The following ANO2 variants were observed in gnomAD, a reference collection of about 807,000 sequenced individuals.
ANO2 encodes the protein anoctamin 2, also known as anoctamin-2.
In ANO2, 101 loss-of-function variants were observed where a neutral mutation model predicts 124.2. The ratio of observed to expected loss-of-function variants is 0.81; its 90% CI spans 0.69 to 0.96. The LOEUF (loss-of-function observed/expected upper bound fraction) is 0.96. Ranked by LOEUF, ANO2 falls within the 40% of genes least tolerant of loss-of-function variation. The pLI, the probability that ANO2 is intolerant of heterozygous loss-of-function variation, is 0.00. For missense variants in ANO2, 1,293 were observed against 1,274.5 expected (o/e 1.01, Z -0.22); for synonymous variants, 486 against 482.5 (o/e 1.01, Z -0.09).
chr12:5,601,046 A>G (rs1406765920), intron 19 of ANO2, among the ~76,000 whole-genome samples: 1 of 152,226 alleles, frequency 6.6e-6, no homozygotes, highest in Non-Finnish European at 1.5e-5. Flanking sequence ...TAAAAGTCTC[A>G]TCTTTGGTGC....
intron 14 of ANO2, among the ~76,000 whole-genome samples, chr12:5,730,465 G>A (rs1185573712): frequency 6.6e-6 from 1 of 152,158 alleles, no homozygotes; most frequent in Non-Finnish European, 1.5e-5. Context: ...AAGGAGAGGT[G>A]AGGATATGCA....
At chr12:5,647,253 G>A (rs1330228530) in intron 15 of ANO2, among the ~76,000 whole-genome samples, 3 of 152,278 alleles carry the variant, frequency 2.0e-5, no homozygotes, top group Middle Eastern at 3.4e-3. Context: ...TTTCCCTGAC[G>A]CAGCTGAGAC....
Position 5,562,748 on chromosome 12 carries a change from C to T in ANO2, c.*551G>A, listed in dbSNP as rs76684608. The T allele has an allele frequency of 4.8e-3, 735 of 152,720 alleles. 3 individuals are homozygous for T. Among genetic ancestry groups the T allele is most frequent in the South Asian group, 0.014 (68 of 4,824 alleles). The allele number at this position is 152,720 out of a possible 1,614,324, so 9.5% of individuals were successfully genotyped here. On this transcript the variant is annotated 3_prime_UTR_variant, in exon 25 of 25. Coordinates refer to ENST00000682330, the MANE Select transcript of ANO2 (RefSeq NM_001364791.2). Reference sequence around the variant, plus strand: ...CATTTAGCTCCAAACGTTTTTGTGACGTGAAGTGGAGACAAGCCCAGGTTT... The same window carrying T: ...CATTTAGCTCCAAACGTTTTTGTGATGTGAAGTGGAGACAAGCCCAGGTTT...
At chr12:5,691,336 AAAAAAAAAAAAG>A (rs1948932050) in intron 14 of ANO2, among the ~76,000 whole-genome samples, 1 of 146,594 alleles carries the variant, frequency 6.8e-6, no homozygotes, top group Non-Finnish European at 1.5e-5. Flanking sequence ...TCAAAAAAAA[AAAAAAAAAAAAG>A]AAGAAGAAGA....
intron 9 of ANO2, among the ~76,000 whole-genome samples, chr12:5,802,648 A>G (rs1953077060): frequency 6.6e-6 from 1 of 152,240 alleles, no homozygotes; most frequent in South Asian, 2.1e-4. Context: ...ATGGACCAGC[A>G]TGGTGTGAGT....
intron 16 of ANO2, among the ~76,000 whole-genome samples, chr12:5,631,640 C>A (rs939852123): frequency 7.9e-5 from 12 of 152,114 alleles, no homozygotes; most frequent in Admixed American, 5.2e-4. Context: ...GGGAGGATGA[C>A]CACTGACAGC....
At chr12:5,663,879 A>G (rs1043179512) in intron 14 of ANO2, among the ~76,000 whole-genome samples, 1 of 152,202 alleles carries the variant, frequency 6.6e-6, no homozygotes, top group Non-Finnish European at 1.5e-5. Flanking sequence ...TCATTTTACA[A>G]TGATTTTATA....
At chr12:5,855,417 T>C (rs559876787) in intron 3 of ANO2, among the ~76,000 whole-genome samples, 1 of 152,356 alleles carries the variant, frequency 6.6e-6, no homozygotes, top group South Asian at 2.1e-4. Context: ...TCTATTATTC[T>C]TCAATGGCAG....
At chr12:5,871,074 G>A (rs532094243) in intron 3 of ANO2, among the ~76,000 whole-genome samples, 11 of 152,210 alleles carry the variant, frequency 7.2e-5, no homozygotes, top group African/African-American at 2.6e-4. Context: ...TGGCATAAAG[G>A]CACCACATGG....
At chr12:5,582,869 C>T (rs945431868) in intron 20 of ANO2, among the ~76,000 whole-genome samples, 3 of 152,172 alleles carry the variant, frequency 2.0e-5, no homozygotes, top group Non-Finnish European at 2.9e-5. Flanking sequence ...ACTCAAACTT[C>T]GCCTTCTGTA....
intron 7 of ANO2, among the ~76,000 whole-genome samples, chr12:5,817,153 C>G (rs1055001564): frequency 1.3e-5 from 2 of 152,138 alleles, no homozygotes; most frequent in Non-Finnish European, 2.9e-5. Context: ...GGGGATTGTC[C>G]CCCAAAATAA....
At chr12:5,733,104 C>T (rs1950712901) in intron 13 of ANO2, 3 of 601,126 alleles carry the variant, frequency 5.0e-6, no homozygotes, top group Admixed American at 5.7e-5. Flanking sequence ...AACAAAACTC[C>T]TTCCCTGCTC....
chr12:5,622,965 A>C (rs200102816), intron 16 of ANO2, among the ~76,000 whole-genome samples: 39,986 of 125,742 alleles, frequency 0.32, 5,907 homozygotes, highest in East Asian at 0.47. Flanking sequence ...CTCTGTCTCA[A>C]AAAAAAAAAA....
At chr12:5,776,255 A>G (rs1339499882) in intron 10 of ANO2, among the ~76,000 whole-genome samples, 3 of 152,222 alleles carry the variant, frequency 2.0e-5, no homozygotes, top group African/African-American at 7.2e-5. Context: ...TCTTTGTAAA[A>G]GAAAGTGAAG....
chr12:5,727,635 C>CTTTT (rs34307471), intron 14 of ANO2, among the ~76,000 whole-genome samples: 3 of 64,270 alleles, frequency 4.7e-5, no homozygotes, highest in African/African-American at 8.4e-5. Context: ...TCACCACTTC[C>CTTTT]TTTTTTTTTT....
At chr12:5,895,315 G>T (rs1939704648) in intron 3 of ANO2, among the ~76,000 whole-genome samples, 1 of 152,152 alleles carries the variant, frequency 6.6e-6, no homozygotes, top group Non-Finnish European at 1.5e-5. Flanking sequence ...GTATAGAAAT[G>T]CTTGTGATTT....
intron 6 of ANO2, among the ~76,000 whole-genome samples, chr12:5,829,919 C>G (rs944142551): frequency 1.3e-5 from 2 of 152,102 alleles, no homozygotes; most frequent in African/African-American, 4.8e-5. Context: ...ATTATTCTTG[C>G]GCAAATTGGC....
At position 5,612,973 on chromosome 12, in the gene ANO2, T is replaced by C; in HGVS notation, c.1929-15A>G. 6.2e-7 allele frequency: 1 copy of C among 1,613,446 alleles called. No individual in the cohort carries two copies. The highest frequency in any genetic ancestry group is 8.5e-7 in the Non-Finnish European group (1 of 1,179,702). ...TGCCCACAAACCTGAAATCAAACAGTGTGGGAAGAGTTAGGGGAAGAGAAA... is the reference window on the plus strand; with the variant it reads ...TGCCCACAAACCTGAAATCAAACAGCGTGGGAAGAGTTAGGGGAAGAGAAA... On this transcript the variant is annotated splice_polypyrimidine_tract_variant and intron_variant, in intron 17 of 24. Coordinates refer to ENST00000682330, the MANE Select transcript of ANO2 (RefSeq NM_001364791.2).
chr12:5,751,669 A>C (rs1468044881), intron 10 of ANO2, among the ~76,000 whole-genome samples: 3 of 152,100 alleles, frequency 2.0e-5, no homozygotes, highest in African/African-American at 7.2e-5. Flanking sequence ...AGTACCTCCA[A>C]GTTTCCTTTT....
Sources: allele counts gnomAD v4.1 joint callset (sites outside exome capture counted in the v4.1 genomes callset), GRCh38; gene constraint gnomAD v4.1.1; transcripts MANE v1.5; gene names NCBI Gene and HGNC (gene_info 2026-07-23, HGNC 2026-07-21).